Variants in TBC1D30 observed in about 807,000 individuals in gnomAD.
TBC1D30 encodes the protein TBC1 domain family member 30, also known as TBC1 domain family, member 30.
TBC1D30 carries 31 observed loss-of-function variants against 63.2 expected under a neutral mutation model. The observed-to-expected ratio is 0.49, with a 90% CI of 0.37 to 0.66. The LOEUF is 0.66. TBC1D30 is among the 30% of genes least tolerant of loss of function. The pLI is 0.00. For missense variants in TBC1D30, 810 were observed against 953.6 expected (o/e 0.85, Z 1.98); for synonymous variants, 307 against 361.5 (o/e 0.85, Z 1.71).
chr12:64,862,113 C>T (rs1877843395), intron 8 of TBC1D30, among the ~76,000 whole-genome samples: 1 of 152,082 alleles, frequency 6.6e-6, no homozygotes, highest in Non-Finnish European at 1.5e-5. Flanking sequence ...TTTTCTAACC[C>T]TGTGATTCTA....
chr12:64,866,895 A>G lies in TBC1D30; in HGVS notation c.1283A>G (p.Gln428Arg), dbSNP rs1248197213. 5.9e-6 allele frequency: 9 copies of G among 1,536,054 alleles called. No individual in the cohort carries two copies. Among genetic ancestry groups the G allele is most frequent in the Middle Eastern group, 1.7e-4 (1 of 5,986 alleles). The change falls in exon 10 of 12, where the codon CAA (glutamine) becomes CGA (arginine). Residue 428 changes from glutamine to arginine, a missense_variant. By Grantham distance (43) the Gln-to-Arg change is conservative (BLOSUM62 1). Around this residue, in one of 4 missense-constraint regions of TBC1D30, gnomAD observed 450 missense variants for 473.0 expected, o/e 0.95. Transcript: ENST00000539867. ...LAPELQKYQK[Q>R]IKEPNEEQSL... The stretch of plus-strand genomic sequence containing the variant: ...CCTGAACTGCAGAAGTACCAAAAAC[A>G]AATTAAAGGTAAAGAGGTGGCTCTT...
At chr12:64,784,523 T>G (rs567665230) in intron 1 of TBC1D30, among the ~76,000 whole-genome samples, 1 of 151,130 alleles carries the variant, frequency 6.6e-6, no homozygotes, top group Admixed American at 6.6e-5. Flanking sequence ...ACAGAGAACC[T>G]CTAATGGGGG....
At chr12:64,800,908 G>A (rs1008914423) in intron 2 of TBC1D30, among the ~76,000 whole-genome samples, 6 of 152,120 alleles carry the variant, frequency 3.9e-5, no homozygotes, top group Non-Finnish European at 8.8e-5. Context: ...GCAATGGTGG[G>A]GACAGAAGCC....
chr12:64,828,537 C>T, intron 3 of TBC1D30, 28 bp downstream of exon 3: 1 of 1,452,068 alleles, frequency 6.9e-7, no homozygotes, highest in Non-Finnish European at 9.3e-7. Context: ...GGCTAGAATA[C>T]AGAAGGATCA....
At chr12:64,806,192 A>G (rs1872860444) in intron 2 of TBC1D30, among the ~76,000 whole-genome samples, 1 of 152,216 alleles carries the variant, frequency 6.6e-6, no homozygotes, top group Admixed American at 6.5e-5. Context: ...GCTTTCTTCA[A>G]CTTTCCCATT....
intron 1 of TBC1D30, chr12:64,825,295 C>T: frequency 4.7e-6 from 2 of 425,090 alleles, no homozygotes; most frequent in Non-Finnish European, 8.2e-6. Flanking sequence ...CCCCACCCTG[C>T]GGCCTGTGTG....
chr12:64,806,532 T>G (rs746594634), intron 2 of TBC1D30, among the ~76,000 whole-genome samples: 1 of 152,198 alleles, frequency 6.6e-6, no homozygotes, highest in Non-Finnish European at 1.5e-5. Context: ...TGACAAATGT[T>G]GGCAAGAATG....
chr12:64,875,929 C>A lies in TBC1D30; in HGVS notation c.*141C>A. The stretch of plus-strand genomic sequence containing the variant: ...AGCAACAGCCCATAAAAAATGGGAA[C>A]TGGAAGTTTTATAATAGGAGTTAGA... On this transcript the variant is annotated 3_prime_UTR_variant, in exon 12 of 12. Coordinates refer to ENST00000539867, the MANE Select transcript of TBC1D30 (RefSeq NM_015279.2). The A allele has an allele frequency of 2.3e-6, 2 of 875,448 alleles. No individual in the cohort carries two copies. Among genetic ancestry groups the A allele is most frequent in the Non-Finnish European group, 3.3e-6 (2 of 604,906 alleles). 54.2% of individuals were successfully genotyped at this position (875,448 alleles called of 1,614,324 possible).
chr12:64,832,857 G>A (rs973714774), intron 5 of TBC1D30, among the ~76,000 whole-genome samples: 5 of 152,192 alleles, frequency 3.3e-5, no homozygotes, highest in African/African-American at 1.2e-4. Context: ...TTGCCATGTA[G>A]CCTCTCCATC....
At chr12:64,867,014 T>C in intron 10 of TBC1D30, 111 bp downstream of exon 10, 1 of 1,213,766 alleles carries the variant, frequency 8.2e-7, no homozygotes, top group East Asian at 2.6e-5. Context: ...GTTACAACTA[T>C]TAAAAGTCTT....
chr12:64,797,028 C>CAAAAAAAAAAAAAAAAAAAAA (rs552416081), intron 2 of TBC1D30, among the ~76,000 whole-genome samples: 1 of 75,136 alleles, frequency 1.3e-5, no homozygotes, highest in African/African-American at 5.3e-5. Context: ...TTCTCCTCTG[C>CAAAAAAAAAAAAAAAAAAAAA]AAAAAAAAAA....
At chr12:64,759,879 AC>A (rs1399717699) in intron 1 of TBC1D30, among the ~76,000 whole-genome samples, 6 of 152,204 alleles carry the variant, frequency 3.9e-5, no homozygotes, top group African/African-American at 1.4e-4. Context: ...GTCGACGGGC[AC>A]TTATTCAAGG....
At chr12:64,777,544 TA>T (rs1871119475), upstream of TBC1D30, among the ~76,000 whole-genome samples, 2 of 152,072 alleles carry the variant, frequency 1.3e-5, no homozygotes, top group African/African-American at 4.8e-5. Context: ...GTAATACAGC[TA>T]ACTAGGGAGG....
upstream of TBC1D30, among the ~76,000 whole-genome samples, chr12:64,821,478 A>G (rs1477757877): frequency 1.3e-5 from 2 of 152,222 alleles, no homozygotes; most frequent in Non-Finnish European, 2.9e-5. Context: ...TCTTGTTAAA[A>G]TAGAACACAA....
At chr12:64,812,887 A>G (rs1873298017) in intron 2 of TBC1D30, among the ~76,000 whole-genome samples, 1 of 152,098 alleles carries the variant, frequency 6.6e-6, no homozygotes, top group African/African-American at 2.4e-5. Flanking sequence ...CTCAAGTAAC[A>G]TGTTAAAAAA....
At chr12:64,870,353 G>C (rs1262108593) in intron 10 of TBC1D30, among the ~76,000 whole-genome samples, 1 of 152,118 alleles carries the variant, frequency 6.6e-6, no homozygotes, top group East Asian at 1.9e-4. Flanking sequence ...CTAACAAACT[G>C]GTAACAAAAT....
intron 2 of TBC1D30, among the ~76,000 whole-genome samples, chr12:64,793,268 G>A (rs796831786): frequency 2.0e-5 from 3 of 151,100 alleles, no homozygotes; most frequent in African/African-American, 7.3e-5. Context: ...ACATGAGCCT[G>A]GGAAGCAGAG....
At chr12:64,812,524 C>T (rs561880431) in intron 2 of TBC1D30, among the ~76,000 whole-genome samples, 39 of 152,240 alleles carry the variant, frequency 2.6e-4, no homozygotes, top group African/African-American at 8.4e-4. Flanking sequence ...GGTGTTAATA[C>T]GTGTAGGAAT....
At chr12:64,840,027 A>AAAAAAAAAAC (rs1555171793) in intron 7 of TBC1D30, among the ~76,000 whole-genome samples, 2 of 145,892 alleles carry the variant, frequency 1.4e-5, no homozygotes, top group African/African-American at 5.2e-5. Context: ...AAAAAAAAAA[A>AAAAAAAAAAC]ATCCACCAAC....
Sources: allele counts gnomAD v4.1 joint callset (sites outside exome capture counted in the v4.1 genomes callset), GRCh38; gene constraint gnomAD v4.1.1; regional missense constraint gnomAD v4.1.1; transcripts MANE v1.5; gene names NCBI Gene and HGNC (gene_info 2026-07-23, HGNC 2026-07-21).